Variants in IMMP2L observed in about 807,000 individuals in gnomAD.
IMMP2L encodes inner mitochondrial membrane peptidase subunit 2.
A neutral mutation model predicts 19.3 loss-of-function variants in IMMP2L; 18 were observed. That is an observed-to-expected ratio of 0.93 (90% CI 0.64 to 1.38). The LOEUF is 1.38. Among genes scored for constraint, IMMP2L ranks in the 40% most tolerant of loss-of-function variants. IMMP2L has a pLI of 0.00. For missense variants in IMMP2L, 233 were observed against 218.2 expected, an observed-to-expected ratio of 1.07 and a Z score of -0.43; for synonymous variants, 76 against 73.0, an observed-to-expected ratio of 1.04 and a Z score of -0.21.
At chr7:111,122,822 C>T (rs1563267841) in intron 3 of IMMP2L, 5 of 1,613,862 alleles carry the variant, frequency 3.1e-6, no homozygotes, top group Non-Finnish European at 4.2e-6. Context: ...CTAGCTATCA[C>T]TACACTAGTA....
rs1798133243 is a variant in IMMP2L, at chr7:110,757,999, A to G, written c.409-94278T>C. ...AAATGAGTTCAGTTTCATTCATTTAAAGCTTGAAATTTCTACTAACCACCA... is the reference window on the plus strand; with the variant it reads ...AAATGAGTTCAGTTTCATTCATTTAGAGCTTGAAATTTCTACTAACCACCA... On this transcript the variant is annotated intron_variant, in intron 5 of 5. Coordinates refer to ENST00000405709, the MANE Select transcript of IMMP2L (RefSeq NM_032549.4). This position sits in a 1 kb window ranked among gnomAD's most constrained non-coding sequence, Gnocchi z 4.2. Among the ~76,000 whole-genome samples the G allele has an allele frequency of 6.6e-6, 1 of 152,112 alleles. No individual in the cohort carries two copies. The highest frequency in any genetic ancestry group is 2.1e-4 in the South Asian group (1 of 4,838).
At chr7:110,801,564 A>G (rs1801247734) in intron 5 of IMMP2L, among the ~76,000 whole-genome samples, 1 of 152,078 alleles carries the variant, frequency 6.6e-6, no homozygotes, top group African/African-American at 2.4e-5. Flanking sequence ...TGACATTCCT[A>G]TTTATGCTGT....
chr7:110,878,842 T>G (rs1809343309), intron 5 of IMMP2L, among the ~76,000 whole-genome samples: 1 of 152,182 alleles, frequency 6.6e-6, no homozygotes, highest in South Asian at 2.1e-4. Context: ...TACTCAAGTG[T>G]GTAATAATAA....
intron 3 of IMMP2L, among the ~76,000 whole-genome samples, chr7:111,024,155 C>G (rs571498138): frequency 5.5e-4 from 84 of 151,998 alleles, no homozygotes; most frequent in Non-Finnish European, 9.1e-4. Context: ...ATTCTTGGGG[C>G]AAAATTTTAG....
chr7:111,284,801 T>C (rs988114747), intron 3 of IMMP2L, among the ~76,000 whole-genome samples: 1 of 152,158 alleles, frequency 6.6e-6, no homozygotes, highest in Non-Finnish European at 1.5e-5. Flanking sequence ...GTTTTTGGAA[T>C]ACTACAAAAC....
intron 3 of IMMP2L, among the ~76,000 whole-genome samples, chr7:111,077,206 C>G (rs1420899221): frequency 6.6e-6 from 1 of 152,210 alleles, no homozygotes; most frequent in African/African-American, 2.4e-5. Context: ...TCTGAATCTC[C>G]CTTCAGGGAA....
chr7:111,017,269 G>T (rs549162319), intron 3 of IMMP2L, among the ~76,000 whole-genome samples: 12 of 151,342 alleles, frequency 7.9e-5, no homozygotes, highest in African/African-American at 2.9e-4. Context: ...TCATCATGTT[G>T]CCCAGGCTGT....
chr7:110,969,235 G>A (rs1318121122), intron 3 of IMMP2L, among the ~76,000 whole-genome samples: 1 of 151,958 alleles, frequency 6.6e-6, no homozygotes, highest in Non-Finnish European at 1.5e-5. Context: ...TGTACATACT[G>A]CCTCATTTTT....
chr7:110,991,907 C>A (rs918044146), intron 3 of IMMP2L, among the ~76,000 whole-genome samples: 1 of 152,152 alleles, frequency 6.6e-6, no homozygotes, highest in Admixed American at 6.6e-5. Context: ...CTCCTCTTTG[C>A]TTTCACTTAG....
At chr7:110,686,194 C>A (rs1584499760) in intron 5 of IMMP2L, among the ~76,000 whole-genome samples, 1 of 152,034 alleles carries the variant, frequency 6.6e-6, no homozygotes, top group Non-Finnish European at 1.5e-5. Flanking sequence ...TCAGTACCTG[C>A]TAAAAAGTCT....
rs767289047 is a variant in IMMP2L at position 111,511,604 on chromosome 7, G to A, written c.135+9709C>T. Among the ~76,000 whole-genome samples, 217 of 148,932 alleles carry A rather than the reference G, an allele frequency of 1.5e-3. 1 individual carries two copies. Among genetic ancestry groups the A allele is most frequent in the Non-Finnish European group, 2.5e-3 (171 of 67,478 alleles). On this transcript the variant is annotated intron_variant, in intron 2 of 5. Coordinates refer to ENST00000405709, the MANE Select transcript of IMMP2L (RefSeq NM_032549.4). ...GCAGAGGTTGCAGTGAGCGGAGATCGCGCCACTGCACTCCAGCCTGGGCAA... is the reference window on the plus strand; with the variant it reads ...GCAGAGGTTGCAGTGAGCGGAGATCACGCCACTGCACTCCAGCCTGGGCAA...
chr7:110,785,521 A>G (rs1342692556), intron 5 of IMMP2L, among the ~76,000 whole-genome samples: 1 of 151,908 alleles, frequency 6.6e-6, no homozygotes, highest in East Asian at 1.9e-4. Flanking sequence ...TGGACTTCCC[A>G]TAGATTTTCC....
At chr7:111,202,860 G>T (rs1810293658) in intron 3 of IMMP2L, among the ~76,000 whole-genome samples, 2 of 151,998 alleles carry the variant, frequency 1.3e-5, no homozygotes, top group Non-Finnish European at 2.9e-5. Flanking sequence ...AATCCATTTT[G>T]GAAAATGATG....
At chr7:111,273,327 C>T (rs1818678307) in intron 3 of IMMP2L, among the ~76,000 whole-genome samples, 1 of 151,786 alleles carries the variant, frequency 6.6e-6, no homozygotes, top group South Asian at 2.1e-4. Context: ...TACTGGAACA[C>T]TGAGGTATAA....
chr7:111,521,683 G>C (rs992266895), intron 1 of IMMP2L, among the ~76,000 whole-genome samples: 1 of 152,070 alleles, frequency 6.6e-6, no homozygotes, highest in Admixed American at 6.5e-5. Context: ...GCTAACTTCA[G>C]TGGGAAATTT....
At chr7:111,356,939 A>C (rs570051024) in intron 3 of IMMP2L, among the ~76,000 whole-genome samples, 1 of 138,916 alleles carries the variant, frequency 7.2e-6, no homozygotes, top group South Asian at 2.1e-4. Flanking sequence ...AGGCAGGAGA[A>C]GCGCTTGAAC....
chr7:111,500,439 G>C (rs1278606485), intron 2 of IMMP2L, among the ~76,000 whole-genome samples: 2 of 152,150 alleles, frequency 1.3e-5, no homozygotes, highest in East Asian at 3.9e-4. Flanking sequence ...GTCCCTGTCT[G>C]ACAGCTTTGA....
intron 5 of IMMP2L, among the ~76,000 whole-genome samples, chr7:110,674,260 T>A (rs1164163044): frequency 6.6e-6 from 1 of 152,168 alleles, no homozygotes; most frequent in Non-Finnish European, 1.5e-5. Context: ...GTCACTATCA[T>A]GAGAATAGCA....
At chr7:111,234,051 CA>C (rs1212097961) in intron 3 of IMMP2L, among the ~76,000 whole-genome samples, 1 of 152,068 alleles carries the variant, frequency 6.6e-6, no homozygotes, top group Non-Finnish European at 1.5e-5. Context: ...CATTATAATA[CA>C]AATGGTGCTA....
Sources: allele counts gnomAD v4.1 joint callset (sites outside exome capture counted in the v4.1 genomes callset), GRCh38; gene constraint gnomAD v4.1.1; non-coding constraint Gnocchi (gnomAD v3.1); transcripts MANE v1.5; gene names NCBI Gene and HGNC (gene_info 2026-07-23, HGNC 2026-07-21).